Variants in ASH1L observed in about 807,000 individuals in gnomAD.
The protein encoded by ASH1L is histone-lysine N-methyltransferase ASH1L.
In ASH1L, 23 loss-of-function variants were observed where a neutral mutation model predicts 269.0. The ratio of observed to expected loss-of-function variants is 0.09; its 90% CI spans 0.06 to 0.12. ASH1L has a LOEUF of 0.12. ASH1L is among the 10% of genes least tolerant of loss of function. The pLI is 1.00. For synonymous variants in ASH1L, 1,187 were observed against 1,253.5 expected (o/e 0.95, Z 1.12); for missense variants, 2,912 against 3,567.8 (o/e 0.82, Z 4.68).
At chr1:155,450,341 T>G (rs1663372281) in intron 4 of ASH1L, among the ~76,000 whole-genome samples, 1 of 152,258 alleles carries the variant, frequency 6.6e-6, no homozygotes, top group South Asian at 2.1e-4. Flanking sequence ...GATATAGTTT[T>G]AATGAAAGTG....
In ASH1L at chr1:155,504,594, C is replaced by A. The variant is rs1422388537; in HGVS notation, c.420+16506G>T. ...ACTGGCTGGGCGCGGTGGCTCAGGC[C>A]TGTAATCCCAGCACTTTGGGAGGCC... is the stretch of plus-strand genomic sequence containing the variant. On this transcript the variant is annotated intron_variant, in intron 2 of 27. Coordinates refer to ENST00000392403, the MANE Select transcript of ASH1L (RefSeq NM_018489.3). Among the ~76,000 whole-genome samples, 2 of 152,164 alleles carry A rather than the reference C, an allele frequency of 1.3e-5. 1 individual carries two copies. Among genetic ancestry groups the A allele is most frequent in the South Asian group, 4.1e-4 (2 of 4,832 alleles).
chr1:155,462,743 A>G (rs1664398563), intron 3 of ASH1L, among the ~76,000 whole-genome samples: 1 of 152,162 alleles, frequency 6.6e-6, no homozygotes, highest in Non-Finnish European at 1.5e-5. Context: ...GAAGGTTCTC[A>G]TTTTTCATTT....
intron 6 of ASH1L, among the ~76,000 whole-genome samples, chr1:155,406,814 CA>C (rs1659331882): frequency 6.6e-6 from 1 of 152,028 alleles, no homozygotes; most frequent in African/African-American, 2.4e-5. Context: ...AGTCAAATAA[CA>C]AATTGACAAA....
chr1:155,510,411 C>CAAAA, intron 2 of ASH1L, among the ~76,000 whole-genome samples: 1 of 40,938 alleles, frequency 2.4e-5, no homozygotes, highest in South Asian at 8.6e-4. Context: ...AAGGCTGCCT[C>CAAAA]AAAAAAAAAA....
intron 6 of ASH1L, among the ~76,000 whole-genome samples, chr1:155,410,514 G>A (rs1659675107): frequency 2.0e-5 from 3 of 151,668 alleles, no homozygotes; most frequent in Middle Eastern, 3.4e-3. Flanking sequence ...ATGTTGGCCT[G>A]ACTGGTCTTG....
intron 2 of ASH1L, among the ~76,000 whole-genome samples, chr1:155,489,795 A>AAAATAAATAAATAAATAAATAAATAAAT (rs754645316): frequency 1.4e-5 from 2 of 141,498 alleles, no homozygotes; most frequent in Non-Finnish European, 3.0e-5. Context: ...ACACTGTCTC[A>AAAATAAATAAATAAATAAATAAATAAAT]AAATAAATAA....
chr1:155,354,452 G>A (rs1268577954), intron 16 of ASH1L, 21 bp downstream of exon 16: 2 of 1,601,314 alleles, frequency 1.2e-6, no homozygotes, highest in Middle Eastern at 3.3e-4. Context: ...TCAAAAAAAA[G>A]AAATGTTTCA....
intron 7 of ASH1L, among the ~76,000 whole-genome samples, chr1:155,381,102 G>A (rs1441772020): frequency 6.6e-6 from 1 of 152,132 alleles, no homozygotes; most frequent in Non-Finnish European, 1.5e-5. Context: ...TTGTGGTGAT[G>A]CTGGTGCAAA....
intron 2 of ASH1L, among the ~76,000 whole-genome samples, chr1:155,490,495 CTGT>C (rs1666689723): frequency 6.6e-6 from 1 of 151,574 alleles, no homozygotes; most frequent in Non-Finnish European, 1.5e-5. Flanking sequence ...CAGCACATAC[CTGT>C]AATCCCAGCT....
rs200156485 is a variant in ASH1L at position 155,535,178 on chromosome 1, A to C, written c.-99-13560T>G. 7.2e-5 allele frequency among the ~76,000 whole-genome samples: 11 copies of C among 151,896 alleles called. No homozygotes were observed. The East Asian group carries it at 1.7e-3, about 24-fold the overall frequency. ...CACTCCAGCCTGGGCAACAATAGTA[A>C]AACTCCATTTAAAAAAAAAAAAAAA... On this transcript the variant is annotated intron_variant, in intron 1 of 27. Coordinates refer to ENST00000392403, the MANE Select transcript of ASH1L (RefSeq NM_018489.3).
chr1:155,366,178 C>T (rs1655403620), intron 12 of ASH1L, among the ~76,000 whole-genome samples: 1 of 152,100 alleles, frequency 6.6e-6, no homozygotes, highest in Non-Finnish European at 1.5e-5. Context: ...CTAGCCAAAA[C>T]CCATCAAAAC....
chr1:155,504,347 T>C lies in ASH1L; in HGVS notation c.420+16753A>G, dbSNP rs576212196. ...CCCCAATATGTGTTACTTCCCTTCCTAATAGTGGCAACTATTAAAAATACG... is the reference window on the plus strand; with the variant it reads ...CCCCAATATGTGTTACTTCCCTTCCCAATAGTGGCAACTATTAAAAATACG... On this transcript the variant is annotated intron_variant, in intron 2 of 27. Coordinates refer to ENST00000392403, the MANE Select transcript of ASH1L (RefSeq NM_018489.3). Among the ~76,000 whole-genome samples, 13 of 152,268 alleles carry C rather than the reference T, an allele frequency of 8.5e-5. No individual in the cohort carries two copies. The South Asian group carries it at 2.7e-3, about 32-fold the overall frequency.
intron 6 of ASH1L, among the ~76,000 whole-genome samples, chr1:155,405,820 T>A (rs1659233243): frequency 7.0e-6 from 1 of 143,080 alleles, no homozygotes; most frequent in African/African-American, 2.6e-5. Flanking sequence ...AGAGAGCGAT[T>A]CTCTGTGTCA....
intron 7 of ASH1L, among the ~76,000 whole-genome samples, chr1:155,390,003 TCTTGA>T (rs1404236166): frequency 1.3e-5 from 2 of 151,990 alleles, no homozygotes; most frequent in Non-Finnish European, 2.9e-5. Flanking sequence ...TTACTCATCT[TCTTGA>T]CTTAATACAC....
At chr1:155,498,596 C>G (rs1667306871) in intron 2 of ASH1L, among the ~76,000 whole-genome samples, 1 of 152,034 alleles carries the variant, frequency 6.6e-6, no homozygotes, top group African/African-American at 2.4e-5. Context: ...TGTGTGCCAC[C>G]ACGCCTGGCT....
At chr1:155,454,696 A>G (rs1207395801) in intron 4 of ASH1L, among the ~76,000 whole-genome samples, 1 of 152,190 alleles carries the variant, frequency 6.6e-6, no homozygotes, top group East Asian at 1.9e-4. Flanking sequence ...TGAACCTGGG[A>G]GGTGGAGGTT....
At position 155,343,190 on chromosome 1, in the gene ASH1L, A is replaced by G; in HGVS notation, c.8293+124T>C. 9.4e-7 allele frequency: 1 copy of G among 1,062,054 alleles called. No individual in the cohort carries two copies. The highest frequency in any genetic ancestry group is 1.4e-6 in the Non-Finnish European group (1 of 736,520). 65.8% of individuals were successfully genotyped at this position (1,062,054 alleles called of 1,614,324 possible). ...GAGGCAGAGTTTTGCCACGTTGGCC[A>G]GGCTGGTCTCACACTCCTGGGCTTA... On this transcript the variant is annotated intron_variant, in intron 24 of 27. Coordinates refer to ENST00000392403, the MANE Select transcript of ASH1L (RefSeq NM_018489.3). This position sits in a 1 kb window ranked among gnomAD's most constrained non-coding sequence, Gnocchi z 6.1.
intron 8 of ASH1L, among the ~76,000 whole-genome samples, chr1:155,378,826 A>G (rs2148440001): frequency 6.6e-6 from 1 of 152,334 alleles, no homozygotes; most frequent in South Asian, 2.1e-4. Context: ...ATAGACTTAA[A>G]TGAAAATCAC....
rs766294259 is a variant in ASH1L at position 155,349,435 on chromosome 1, G to A, written c.7446C>T (p.Ile2482=). ...KKKNADYYEK[I]SDPLDLITIE... ...TGGTGATAAGATCTAGGGGATCAGA[G>A]ATCTTCTCATAATAATCAGCATTCC... The change falls in exon 19 of 28, where the codon ATC becomes ATT. Residue 2482 remains isoleucine (I), a synonymous_variant. Transcript: ENST00000392403. The A allele has an allele frequency of 6.2e-7, 1 of 1,613,988 alleles. No individual in the cohort carries two copies. The highest frequency in any genetic ancestry group is 8.5e-7 in the Non-Finnish European group (1 of 1,180,022).
Sources: gnomAD v4.1 joint callset for allele counts (sites outside exome capture counted in the v4.1 genomes callset) on GRCh38, gnomAD v4.1.1 for gene constraint, Gnocchi (gnomAD v3.1) non-coding constraint, MANE v1.5 for transcripts, NCBI Gene and HGNC (gene_info 2026-07-23, HGNC 2026-07-21) for gene names.